TESK2: variants seen among roughly 807,000 people sequenced by gnomAD.
TESK2 encodes dual specificity testis-specific protein kinase 2.
A neutral mutation model predicts 57.1 loss-of-function variants in TESK2; 39 were observed. The ratio of observed to expected loss-of-function variants is 0.68; its 90% CI spans 0.53 to 0.89. The LOEUF is 0.89. Ranked by LOEUF, TESK2 falls within the 40% of genes least tolerant of loss-of-function variation. TESK2 has a pLI of 0.00. For missense variants in TESK2, 646 were observed against 732.1 expected (o/e 0.88, Z 1.36); for synonymous variants, 249 against 267.9 (o/e 0.93, Z 0.69).
chr1:45,430,217 T>G (rs1441631891), intron 2 of TESK2, among the ~76,000 whole-genome samples: 2 of 152,038 alleles, frequency 1.3e-5, no homozygotes, highest in Non-Finnish European at 2.9e-5. Context: ...AAGATGGGTA[T>G]GGTGGCTCAC....
intron 2 of TESK2, among the ~76,000 whole-genome samples, chr1:45,452,857 G>T (rs950591466): frequency 1.3e-5 from 2 of 152,126 alleles, no homozygotes. Flanking sequence ...TTCAAGATCA[G>T]CCTGGGCAAC....
chr1:45,424,985 T>G (rs973391884), intron 2 of TESK2, among the ~76,000 whole-genome samples: 1 of 152,176 alleles, frequency 6.6e-6, no homozygotes, highest in Admixed American at 6.6e-5. Flanking sequence ...AAGCCTTTCC[T>G]CTGGGATATG....
intron 2 of TESK2, among the ~76,000 whole-genome samples, chr1:45,425,729 A>G (rs1166013235): frequency 1.3e-5 from 2 of 152,206 alleles, no homozygotes; most frequent in African/African-American, 4.8e-5. Flanking sequence ...AAAAAAATGG[A>G]AAGATATTCC....
At chr1:45,392,078 T>TATTG (rs150751811) in intron 3 of TESK2, among the ~76,000 whole-genome samples, 8,212 of 152,080 alleles carry the variant, frequency 0.054, 256 homozygotes, top group Non-Finnish European at 0.075. Context: ...GAATATAAGG[T>TATTG]ATTGATTGAT....
chr1:45,376,043 G>GT (rs1228187345), intron 4 of TESK2, among the ~76,000 whole-genome samples: 5 of 152,016 alleles, frequency 3.3e-5, no homozygotes, highest in East Asian at 3.8e-4. Flanking sequence ...CAGTTTGAGA[G>GT]TTTTTTATTA....
At chr1:45,354,058 C>T (rs1647306830) in intron 5 of TESK2, among the ~76,000 whole-genome samples, 1 of 152,166 alleles carries the variant, frequency 6.6e-6, no homozygotes, top group Non-Finnish European at 1.5e-5. Context: ...CATCCTGGGG[C>T]CACAGGAAAG....
intron 3 of TESK2, 115 bp from the exon 4 acceptor site, chr1:45,386,075 T>C: frequency 1.5e-6 from 1 of 669,252 alleles, no homozygotes; most frequent in Non-Finnish European, 2.6e-6. Flanking sequence ...TGCGGCATGA[T>C]GGCTTACATC....
At chr1:45,379,002 T>A (rs752826524) in intron 4 of TESK2, among the ~76,000 whole-genome samples, 23 of 152,188 alleles carry the variant, frequency 1.5e-4, no homozygotes, top group Admixed American at 7.9e-4. Flanking sequence ...CTGCCAAAGT[T>A]AACCCAAGGC....
chr1:45,415,050 T>G (rs1225482177), intron 3 of TESK2: 1 of 1,239,056 alleles, frequency 8.1e-7, no homozygotes, highest in African/African-American at 1.5e-5. Flanking sequence ...TTCTTCAACA[T>G]CACAGTCAAA....
In TESK2 at chr1:45,410,923, T is replaced by C. The variant is rs186817593; in HGVS notation, c.344+10802A>G. Among the ~76,000 whole-genome samples, 6 of 152,324 alleles carry C rather than the reference T, an allele frequency of 3.9e-5. No homozygotes were observed. The East Asian group carries it at 1.2e-3, about 29-fold the overall frequency. ...GTTTGTCTTTGGTCATTCCTGGGCA[T>C]AGGCCAAGCTAACTTTGGGAGGAAT... On this transcript the variant is annotated intron_variant, in intron 3 of 10. Transcript: ENST00000372086.
At chr1:45,355,536 A>G (rs1647384049) in intron 4 of TESK2, 87 bp from the exon 5 acceptor site, 21 of 1,463,772 alleles carry the variant, frequency 1.4e-5, no homozygotes, top group South Asian at 5.5e-5. Context: ...CACCTGGAAG[A>G]GAGAGACTGT....
chr1:45,381,509 T>G (rs1446386606), intron 4 of TESK2, among the ~76,000 whole-genome samples: 1 of 152,256 alleles, frequency 6.6e-6, no homozygotes, highest in East Asian at 1.9e-4. Context: ...ACAAGTCCAG[T>G]CTAGCCCACT....
intron 1 of TESK2, among the ~76,000 whole-genome samples, chr1:45,477,560 T>C (rs1653048058): frequency 6.6e-6 from 1 of 151,648 alleles, no homozygotes; most frequent in African/African-American, 2.4e-5. Flanking sequence ...AGACGGTGGT[T>C]GCAGTGAGCT....
intron 1 of TESK2, among the ~76,000 whole-genome samples, chr1:45,471,416 T>A (rs916768169): frequency 1.3e-5 from 2 of 150,196 alleles, no homozygotes; most frequent in Admixed American, 6.6e-5. Context: ...AATAAGATAA[T>A]TTTTTTTTTG....
intron 3 of TESK2, among the ~76,000 whole-genome samples, chr1:45,392,638 T>C (rs1649193829): frequency 6.6e-6 from 1 of 151,782 alleles, no homozygotes; most frequent in African/African-American, 2.4e-5. Flanking sequence ...GAGGTGGAGG[T>C]TGTGGTGAGC....
At chr1:45,356,308 T>C (rs1186604950) in intron 4 of TESK2, among the ~76,000 whole-genome samples, 1 of 150,448 alleles carries the variant, frequency 6.6e-6, no homozygotes, top group Admixed American at 6.6e-5. Flanking sequence ...AGGAGAGGAG[T>C]AGGTTTTTAG....
rs765719830 is a variant in TESK2 at position 45,347,906 on chromosome 1, A to G, written c.623+12T>C. On this transcript the variant is annotated intron_variant, in intron 6 of 10. Coordinates refer to ENST00000372086, the MANE Select transcript of TESK2 (RefSeq NM_007170.3). Reference sequence around the variant, plus strand: ...TGTCCCTTGGACCCCAGCATCCAGTAGGGCTACACACCTGACATCGGGGAT... The same window carrying G: ...TGTCCCTTGGACCCCAGCATCCAGTGGGGCTACACACCTGACATCGGGGAT... The G allele has an allele frequency of 1.9e-5, 30 of 1,605,410 alleles. No individual in the cohort carries two copies. The highest frequency in any genetic ancestry group is 2.4e-5 in the Non-Finnish European group (28 of 1,172,154).
chr1:45,434,841 G>A (rs1651128518), intron 2 of TESK2, among the ~76,000 whole-genome samples: 1 of 151,710 alleles, frequency 6.6e-6, no homozygotes, highest in Non-Finnish European at 1.5e-5. Flanking sequence ...AAGATTTTTA[G>A]TCTAATATAG....
chr1:45,413,891 T>C (rs1235405771), intron 3 of TESK2: 1 of 454,910 alleles, frequency 2.2e-6, no homozygotes, highest in Non-Finnish European at 4.4e-6. Context: ...AAGCTTATAA[T>C]GTTTACAGCT....
Sources: allele counts gnomAD v4.1 joint callset (sites outside exome capture counted in the v4.1 genomes callset), GRCh38; gene constraint gnomAD v4.1.1; transcripts MANE v1.5; gene names NCBI Gene and HGNC (gene_info 2026-07-23, HGNC 2026-07-21).